RBFOX1: variants seen among roughly 807,000 people sequenced by gnomAD.
RBFOX1 encodes RNA binding protein fox-1 homolog 1.
Under a neutral mutation model 57.7 loss-of-function variants are expected in RBFOX1, and 8 were observed. The observed-to-expected ratio is 0.14, with a 90% CI of 0.08 to 0.25. RBFOX1 has a LOEUF of 0.25. Among genes scored for constraint, RBFOX1 ranks in the 10% least tolerant of loss-of-function variants. The pLI is 1.00. For missense variants in RBFOX1, 611 were observed against 548.5 expected (o/e 1.11, Z -1.14); for synonymous variants, 326 against 222.4 (o/e 1.47, Z -4.15).
At chr16:5,397,094 C>T (rs2151430911) in intron 1 of RBFOX1, among the ~76,000 whole-genome samples, 1 of 152,312 alleles carries the variant, frequency 6.6e-6, no homozygotes, top group Non-Finnish European at 1.5e-5. Flanking sequence ...AGAGCAGAGA[C>T]ATTTTAAAAC....
intron 3 of RBFOX1, among the ~76,000 whole-genome samples, chr16:6,976,767 GTA>G (rs972711343): frequency 4.0e-5 from 5 of 124,896 alleles, no homozygotes; most frequent in African/African-American, 1.5e-4. Context: ...CATATATATC[GTA>G]TGACATATCA....
chr16:6,492,989 A>G (rs78079746), intron 2 of RBFOX1, among the ~76,000 whole-genome samples: 4,066 of 152,336 alleles, frequency 0.027, 184 homozygotes, highest in African/African-American at 0.091. Flanking sequence ...CAGGGAAGAG[A>G]TGAAGCTTTT....
At chr16:6,164,822 G>A (rs2096905234) in intron 1 of RBFOX1, among the ~76,000 whole-genome samples, 1 of 152,048 alleles carries the variant, frequency 6.6e-6, no homozygotes. Flanking sequence ...CTCGTTACAA[G>A]AAGACTGTCG....
chr16:5,705,139 G>C (rs1222387814), intron 3 of RBFOX1, among the ~76,000 whole-genome samples: 1 of 152,132 alleles, frequency 6.6e-6, no homozygotes, highest in Non-Finnish European at 1.5e-5. Flanking sequence ...TAAATCATTT[G>C]GTTCCTGCAA....
At chr16:7,032,200 G>C (rs762270963) in intron 3 of RBFOX1, among the ~76,000 whole-genome samples, 1 of 152,000 alleles carries the variant, frequency 6.6e-6, no homozygotes, top group African/African-American at 2.4e-5. Flanking sequence ...CAAGGCGGGC[G>C]GATCGCTTGA....
chr16:6,601,597 C>T (rs548997331), intron 2 of RBFOX1, among the ~76,000 whole-genome samples: 2 of 152,236 alleles, frequency 1.3e-5, no homozygotes, highest in East Asian at 3.9e-4. Flanking sequence ...ACCACTGTTC[C>T]TCCATCCTAT....
At chr16:6,455,277 G>A (rs1445780110) in intron 2 of RBFOX1, among the ~76,000 whole-genome samples, 1 of 152,078 alleles carries the variant, frequency 6.6e-6, no homozygotes, top group African/African-American at 2.4e-5. Context: ...TGGTGTCTGA[G>A]AGACCTGAAC....
chr16:6,687,351 C>T (rs971648171), intron 3 of RBFOX1, among the ~76,000 whole-genome samples: 6 of 152,070 alleles, frequency 3.9e-5, no homozygotes, highest in African/African-American at 7.2e-5. Flanking sequence ...ACACTACTTG[C>T]GTGACAGGTT....
At chr16:5,965,169 T>C (rs2059819354) in intron 4 of RBFOX1, among the ~76,000 whole-genome samples, 3 of 152,180 alleles carry the variant, frequency 2.0e-5, no homozygotes, top group Non-Finnish European at 4.4e-5. Context: ...CCACTCTGTT[T>C]ATACCACACA....
In RBFOX1 at chr16:6,020,303, G is replaced by T. The variant is rs537518580; in HGVS notation, c.-127+311G>T. Among the ~76,000 whole-genome samples the T allele has an allele frequency of 8.5e-5, 13 of 152,200 alleles. No homozygotes were observed. In the East Asian group the frequency reaches 2.5e-3, roughly 30 times the overall value. On this transcript the variant is annotated intron_variant, in intron 1 of 15. Transcript: ENST00000550418. The stretch of plus-strand genomic sequence containing the variant: ...GTCCTCCTGGGAGCGAGTCCTAGGT[G>T]CCAGGAGCAGCGGGAGCCTGCCTGC...
intron 3 of RBFOX1, among the ~76,000 whole-genome samples, chr16:6,994,392 G>C (rs1353307356): frequency 3.3e-5 from 5 of 152,164 alleles, no homozygotes; most frequent in African/African-American, 9.7e-5. Context: ...CTGAAAACAT[G>C]AATAGTGCAT....
intron 3 of RBFOX1, among the ~76,000 whole-genome samples, chr16:6,856,725 C>G (rs1021724259): frequency 2.0e-5 from 3 of 152,116 alleles, no homozygotes; most frequent in African/African-American, 7.2e-5. Flanking sequence ...CAATCACAAA[C>G]TACCATGAGG....
chr16:7,274,831 T>A (rs1182097314), intron 4 of RBFOX1, among the ~76,000 whole-genome samples: 1 of 151,974 alleles, frequency 6.6e-6, no homozygotes, highest in African/African-American at 2.4e-5. Context: ...ATTACAGGTG[T>A]GTGCCACCAC....
At chr16:6,496,145 GC>G (rs138640968) in intron 2 of RBFOX1, among the ~76,000 whole-genome samples, 3,215 of 152,248 alleles carry the variant, frequency 0.021, 115 homozygotes, top group African/African-American at 0.073. Flanking sequence ...ATTTGGAAAG[GC>G]ATGGCTTACA....
At chr16:5,466,112 G>A (rs915674082) in intron 1 of RBFOX1, among the ~76,000 whole-genome samples, 3 of 152,234 alleles carry the variant, frequency 2.0e-5, no homozygotes, top group Non-Finnish European at 4.4e-5. Flanking sequence ...CCCACTTTAG[G>A]TGGGAAATCG....
downstream of RBFOX1, among the ~76,000 whole-genome samples, chr16:5,602,985 G>A (rs4786045): frequency 0.18 from 27,872 of 152,058 alleles, 2,861 homozygotes; most frequent in South Asian, 0.22. Flanking sequence ...TGAAAATGGG[G>A]TTTACAAGAC....
intron 1 of RBFOX1, among the ~76,000 whole-genome samples, chr16:6,210,383 A>AG (rs2097288204): frequency 6.9e-6 from 1 of 144,510 alleles, no homozygotes; most frequent in Non-Finnish European, 1.5e-5. Flanking sequence ...AAAAAAGAGA[A>AG]AGGAAGGAAG....
intron 3 of RBFOX1, among the ~76,000 whole-genome samples, chr16:6,797,271 A>G (rs569245959): frequency 6.6e-6 from 1 of 152,184 alleles, no homozygotes; most frequent in South Asian, 2.1e-4. Flanking sequence ...CGCTGTCCTT[A>G]GGATCCTGGT....
chr16:7,269,482 G>C (rs1037601735), intron 4 of RBFOX1, among the ~76,000 whole-genome samples: 4 of 151,842 alleles, frequency 2.6e-5, no homozygotes, highest in African/African-American at 9.7e-5. Flanking sequence ...GAGAGAGGCA[G>C]ACAGAGGAAA....
Sources: gnomAD v4.1 joint callset for allele counts (sites outside exome capture counted in the v4.1 genomes callset) on GRCh38, gnomAD v4.1.1 for gene constraint, MANE v1.5 for transcripts, NCBI Gene and HGNC (gene_info 2026-07-23, HGNC 2026-07-21) for gene names.